MED24: variants seen among roughly 807,000 people sequenced by gnomAD.
MED24 encodes the protein mediator complex subunit 24.
MED24 carries 74 observed loss-of-function variants against 118.8 expected under a neutral mutation model. That is an observed-to-expected ratio of 0.62 (90% CI 0.52 to 0.76). The LOEUF is 0.76. Among genes scored for constraint, MED24 ranks in the 30% least tolerant of loss-of-function variants. The pLI is 0.00. For missense variants in MED24, 1,041 were observed against 1,278.9 expected (o/e 0.81, Z 2.84); for synonymous variants, 521 against 523.9 (o/e 0.99, Z 0.08).
In MED24 at chr17:40,035,453, G is replaced by C. The variant is rs1186040254; in HGVS notation, c.327-104C>G. The C allele has an allele frequency of 4.0e-6, 5 of 1,262,896 alleles. No homozygotes were observed. In the African/African-American group the frequency reaches 4.5e-5, roughly 11 times the overall value. 78.2% of individuals were successfully genotyped at this position (1,262,896 alleles called of 1,614,324 possible). ...CTGGCACTCCCCTACTAGGGACTAG[G>C]GCTGAGAAGCTAGCAAAGTCCTGGG... is the stretch of plus-strand genomic sequence containing the variant. On this transcript the variant is annotated intron_variant, in intron 5 of 25. Transcript: ENST00000394128.
chr17:40,045,700 AAGG>A (rs768317438), intron 3 of MED24, among the ~76,000 whole-genome samples: 3 of 151,160 alleles, frequency 2.0e-5, no homozygotes, highest in Non-Finnish European at 3.0e-5. Context: ...GGCTTGAGCC[AAGG>A]AGGTCAAAGC....
In MED24 at chr17:40,020,269, T is replaced by C. The variant is rs1212378868; in HGVS notation, c.2704+4A>G. 1.3e-6 allele frequency: 2 copies of C among 1,524,804 alleles called. No individual in the cohort carries two copies. The highest frequency in any genetic ancestry group is 4.6e-5 in the East Asian group (2 of 43,134). 94.5% of individuals were successfully genotyped at this position (1,524,804 alleles called of 1,614,324 possible). Reference sequence around the variant, plus strand: ...AGGTTCGGCAGCAGGGGTGGGGAACTCACCCAGGACTCGGTTCAGAGGGTC... The same window carrying C: ...AGGTTCGGCAGCAGGGGTGGGGAACCCACCCAGGACTCGGTTCAGAGGGTC... On this transcript the variant is annotated splice_donor_region_variant and intron_variant, in intron 24 of 25. Transcript: ENST00000394128.
In MED24 at chr17:40,049,917, A is replaced by G. The variant is rs1190429452; in HGVS notation, c.213+3381T>C. ...GTAATCCCAGCACTTTGGGAGGCCG[A>G]GGCAGATGGATCACTTGAGGTCAGG... On this transcript the variant is annotated intron_variant, in intron 3 of 25. Coordinates refer to ENST00000394128, the MANE Select transcript of MED24 (RefSeq NM_014815.4). 2.6e-5 allele frequency among the ~76,000 whole-genome samples: 4 copies of G among 151,468 alleles called. No homozygotes were observed. In the East Asian group the frequency reaches 8.0e-4, roughly 30 times the overall value.
At chr17:40,053,832 G>C (rs564503532) in intron 1 of MED24, 197 bp from the exon 2 acceptor site, 118 of 707,676 alleles carry the variant, frequency 1.7e-4, no homozygotes, top group Non-Finnish European at 2.5e-4. Context: ...CTTAAACTGG[G>C]GCACTAAGAA....
At chr17:40,028,409 C>T (rs572348189) in intron 14 of MED24, among the ~76,000 whole-genome samples, 24 of 152,250 alleles carry the variant, frequency 1.6e-4, no homozygotes, top group African/African-American at 3.1e-4. Flanking sequence ...CCACCGCACC[C>T]GGCCAGAAGG....
rs1276158750 is a variant in MED24, at chr17:40,022,498, C to T, written c.2433-14G>A. ...CACACGGCCAGCCTGGCAAAGGGTTCCAGAAAAAGGGGGACAGTGAGAGGT... is the reference window on the plus strand; with the variant it reads ...CACACGGCCAGCCTGGCAAAGGGTTTCAGAAAAAGGGGGACAGTGAGAGGT... On this transcript the variant is annotated splice_polypyrimidine_tract_variant and intron_variant, in intron 21 of 25. Coordinates refer to ENST00000394128, the MANE Select transcript of MED24 (RefSeq NM_014815.4). The T allele has an allele frequency of 1.2e-6, 2 of 1,603,480 alleles. No homozygotes were observed. The highest frequency in any genetic ancestry group is 1.7e-6 in the Non-Finnish European group (2 of 1,175,234).
rs199782431 is a variant in MED24 at position 40,047,799 on chromosome 17, G to A, written c.213+5499C>T. ...GGCTGGAGCACAATGGCGCAATCTCGGTTCACTGCAACCTCCGCCTCCCAG... is the reference window on the plus strand; with the variant it reads ...GGCTGGAGCACAATGGCGCAATCTCAGTTCACTGCAACCTCCGCCTCCCAG... On this transcript the variant is annotated intron_variant, in intron 3 of 25. Coordinates refer to ENST00000394128, the MANE Select transcript of MED24 (RefSeq NM_014815.4). Among the ~76,000 whole-genome samples the A allele has an allele frequency of 1.9e-3, 283 of 151,824 alleles. 1 individual carries two copies. The highest frequency in any genetic ancestry group is 4.1e-3 in the East Asian group (21 of 5,142).
intron 10 of MED24, 146 bp downstream of exon 10, chr17:40,031,897 C>T (rs1436279413): frequency 6.2e-6 from 6 of 965,194 alleles, no homozygotes; most frequent in Non-Finnish European, 9.6e-6. Flanking sequence ...CTGAAGCATG[C>T]ACATTGTGAA....
rs1982116790 is a variant in MED24 at position 40,022,312 on chromosome 17, C to T, written c.2523+82G>A. ...CCAAGGGCAGGGGCCACAACTGCTT[C>T]CCTTTGCCTGGGGAATCCTTAGGAA... On this transcript the variant is annotated intron_variant, in intron 22 of 25. Transcript: ENST00000394128. 9 of 1,418,568 alleles carry T rather than the reference C, an allele frequency of 6.3e-6. No individual in the cohort carries two copies. The South Asian group carries it at 1.1e-4, about 18-fold the overall frequency. 87.9% of individuals were successfully genotyped at this position (1,418,568 alleles called of 1,614,324 possible).
chr17:40,035,645 G>A, intron 5 of MED24, 77 bp downstream of exon 5: 1 of 1,496,664 alleles, frequency 6.7e-7, no homozygotes, highest in South Asian at 1.2e-5. Context: ...GTCTCGGTCT[G>A]TGTGCTAGGA....
chr17:40,025,117 G>A (rs928397996), intron 19 of MED24, among the ~76,000 whole-genome samples: 2 of 152,186 alleles, frequency 1.3e-5, no homozygotes, highest in African/African-American at 4.8e-5. Context: ...AGGACACCAT[G>A]CTGAGTGAAG....
At chr17:40,028,707 C>A in intron 14 of MED24, 119 bp downstream of exon 14, 1 of 1,416,416 alleles carries the variant, frequency 7.1e-7, no homozygotes, top group Non-Finnish European at 9.6e-7. Flanking sequence ...GATGCTCTGC[C>A]TAGGCCCGTG....
At chr17:40,022,299 G>A (rs1982114597) in intron 22 of MED24, 95 bp downstream of exon 22, 11 of 1,311,382 alleles carry the variant, frequency 8.4e-6, no homozygotes, top group Non-Finnish European at 1.2e-5. Context: ...AAGGGCAGGG[G>A]CCACAACTGC....
intron 19 of MED24, among the ~76,000 whole-genome samples, chr17:40,024,008 C>T (rs1332871814): frequency 6.6e-6 from 1 of 152,162 alleles, no homozygotes; most frequent in East Asian, 1.9e-4. Flanking sequence ...AGCCACTTTT[C>T]CCACCTGCAC....
intron 3 of MED24, among the ~76,000 whole-genome samples, chr17:40,037,638 G>T (rs1364350620): frequency 1.3e-5 from 2 of 152,102 alleles, no homozygotes; most frequent in Non-Finnish European, 2.9e-5. Flanking sequence ...TTGGCCAGGT[G>T]TGGTGGCTCA....
At position 40,036,107 on chromosome 17, in the gene MED24, T is replaced by C. The variant is rs1983905525; in HGVS notation, c.252+9A>G. 3.1e-6 allele frequency: 5 copies of C among 1,609,900 alleles called. No individual in the cohort carries two copies. The highest frequency in any genetic ancestry group is 2.7e-5 in the African/African-American group (2 of 74,860). ...CCCCAATCTAGCTCCTGAGTGTCTA[T>C]GGTCATACCTTACTGATGGCTGTGA... On this transcript the variant is annotated intron_variant, in intron 4 of 25. Coordinates refer to ENST00000394128, the MANE Select transcript of MED24 (RefSeq NM_014815.4).
At chr17:40,030,560 TGG>T (rs1354363492) in intron 12 of MED24, among the ~76,000 whole-genome samples, 1 of 152,196 alleles carries the variant, frequency 6.6e-6, no homozygotes, top group Non-Finnish European at 1.5e-5. Flanking sequence ...TCCCAAATGC[TGG>T]GATTACAGGT....
At chr17:40,046,113 G>A (rs1241444505) in intron 3 of MED24, among the ~76,000 whole-genome samples, 1 of 131,394 alleles carries the variant, frequency 7.6e-6, no homozygotes, top group Non-Finnish European at 1.6e-5. Context: ...TTGAGACGGA[G>A]TCTCACTGTT....
intron 19 of MED24, among the ~76,000 whole-genome samples, chr17:40,024,116 G>A (rs533311789): frequency 9.9e-5 from 15 of 152,106 alleles, no homozygotes; most frequent in African/African-American, 2.6e-4. Flanking sequence ...TTGGTAGGGC[G>A]GGGGGGAAGG....
Sources: gnomAD v4.1 joint callset for allele counts (sites outside exome capture counted in the v4.1 genomes callset) on GRCh38, gnomAD v4.1.1 for gene constraint, MANE v1.5 for transcripts, NCBI Gene and HGNC (gene_info 2026-07-23, HGNC 2026-07-21) for gene names.